Variants in VTI1A observed in about 807,000 individuals in gnomAD.
VTI1A encodes vesicle transport through interaction with t-SNAREs 1A, also known as vesicle transport through interaction with t-SNAREs homolog 1A.
Under a neutral mutation model 34.9 loss-of-function variants are expected in VTI1A, and 22 were observed. The ratio of observed to expected loss-of-function variants is 0.63; its 90% CI spans 0.45 to 0.90. The LOEUF (loss-of-function observed/expected upper bound fraction) is 0.90. Among genes scored for constraint, VTI1A ranks in the 40% least tolerant of loss-of-function variants. The pLI, the probability that VTI1A is intolerant of heterozygous loss-of-function variation, is 0.00. For missense variants in VTI1A, 268 were observed against 275.6 expected, an observed-to-expected ratio of 0.97 and a Z score of 0.20; for synonymous variants, 87 against 97.3, an observed-to-expected ratio of 0.89 and a Z score of 0.62.
At chr10:112,652,740 T>G (rs371100635) in intron 5 of VTI1A, among the ~76,000 whole-genome samples, 93 of 83,614 alleles carry the variant, frequency 1.1e-3, no homozygotes, top group Admixed American at 2.1e-3. Context: ...AAAAAAAAAA[T>G]GGAAAGAAGG....
chr10:112,518,575 C>CTA (rs1564809794), intron 3 of VTI1A, among the ~76,000 whole-genome samples: 7 of 113,512 alleles, frequency 6.2e-5, no homozygotes, highest in South Asian at 2.7e-4. Flanking sequence ...CTCTCTCTCT[C>CTA]TCTCTCTCTC....
rs1181090787 is a variant in VTI1A at position 112,736,109 on chromosome 10, G to GTATA, written c.560+67112_560+67113insATAT. 2.0e-3 allele frequency among the ~76,000 whole-genome samples: 238 copies of GTATA among 116,852 alleles called. 2 individuals are homozygous for GTATA. Among genetic ancestry groups the GTATA allele is most frequent in the African/African-American group, 5.0e-3 (125 of 25,060 alleles). 76.7% of individuals were successfully genotyped at this position (116,852 alleles called of 152,430 possible). ...GTATATTTTACATATATATGTGTGT[G>GTATA]TGTATATATATATATATATATATAT... On this transcript the variant is annotated intron_variant, in intron 7 of 7. Coordinates refer to ENST00000393077, the MANE Select transcript of VTI1A (RefSeq NM_145206.4).
intron 7 of VTI1A, among the ~76,000 whole-genome samples, chr10:112,675,425 G>A (rs952422625): frequency 6.6e-6 from 1 of 152,074 alleles, no homozygotes; most frequent in African/African-American, 2.4e-5. Context: ...AGCCCTTCTG[G>A]GTGTGCAGAC....
At chr10:112,493,496 C>G (rs904694760) in intron 3 of VTI1A, among the ~76,000 whole-genome samples, 14 of 152,056 alleles carry the variant, frequency 9.2e-5, no homozygotes, top group African/African-American at 3.4e-4. Flanking sequence ...ACTGGCTACA[C>G]ACTGATATAA....
chr10:112,839,129 G>A, the VTI1A span, among the ~76,000 whole-genome samples: 1 of 152,208 alleles, frequency 6.6e-6, no homozygotes, highest in South Asian at 2.1e-4. Flanking sequence ...TCAAGAGCAG[G>A]AAGAGCAGAC....
At position 112,654,837 on chromosome 10, in the gene VTI1A, T is replaced by C. The variant is rs76794439; in HGVS notation, c.428-13381T>C. 9.5e-3 allele frequency among the ~76,000 whole-genome samples: 1,445 copies of C among 152,324 alleles called. 29 individuals carry two copies. Among genetic ancestry groups the C allele is most frequent in the African/African-American group, 0.033 (1,365 of 41,576 alleles). On this transcript the variant is annotated intron_variant, in intron 5 of 7. Transcript: ENST00000393077. Reference sequence around the variant, plus strand: ...ACTAGTTCCCTTGTCTTGAGTTTTGTTAGTTTCCACCTCTCAAAATGTCAC... The same window carrying C: ...ACTAGTTCCCTTGTCTTGAGTTTTGCTAGTTTCCACCTCTCAAAATGTCAC...
At chr10:112,531,538 G>A (rs5018094) in intron 4 of VTI1A, among the ~76,000 whole-genome samples, 142,283 of 151,842 alleles carry the variant, frequency 0.94, 66,791 homozygotes, top group African/African-American at 0.96. Flanking sequence ...TACCTAGCTT[G>A]GCTACAAATC....
chr10:112,499,682 C>G (rs1245183777), intron 3 of VTI1A, among the ~76,000 whole-genome samples: 1 of 152,212 alleles, frequency 6.6e-6, no homozygotes, highest in Non-Finnish European at 1.5e-5. Flanking sequence ...CTTCTTCCCG[C>G]ATTTATTATG....
chr10:112,751,475 TAAAAAAA>T (rs11411829), intron 7 of VTI1A, among the ~76,000 whole-genome samples: 6 of 100,994 alleles, frequency 5.9e-5, no homozygotes, highest in African/African-American at 1.9e-4. Flanking sequence ...ATTAACTGTT[TAAAAAAA>T]AAAAAAAAAA....
Position 112,756,059 on chromosome 10 carries a change from G to A in VTI1A, c.561-59231G>A, listed in dbSNP as rs371409910. ...AATTCCCAGAAAGGAAAAAAACAGCGAGAAAAAGAGAGAGGGAGGGGAGGA... is the reference window on the plus strand; with the variant it reads ...AATTCCCAGAAAGGAAAAAAACAGCAAGAAAAAGAGAGAGGGAGGGGAGGA... On this transcript the variant is annotated intron_variant, in intron 7 of 7. Coordinates refer to ENST00000393077, the MANE Select transcript of VTI1A (RefSeq NM_145206.4). Among the ~76,000 whole-genome samples, 394 of 152,216 alleles carry A rather than the reference G, an allele frequency of 2.6e-3. 3 individuals are homozygous for A. The highest frequency in any genetic ancestry group is 9.0e-3 in the African/African-American group (373 of 41,522).
At chr10:112,711,677 G>T (rs1006895484) in intron 7 of VTI1A, among the ~76,000 whole-genome samples, 3 of 152,160 alleles carry the variant, frequency 2.0e-5, no homozygotes, top group Non-Finnish European at 2.9e-5. Flanking sequence ...AATCTTGTGG[G>T]GAACAAGATG....
the VTI1A span, chr10:112,832,002 G>A: frequency 6.6e-6 from 1 of 152,150 alleles, no homozygotes; most frequent in East Asian, 1.9e-4. Context: ...CCACAGTGTG[G>A]GAATCGAGAA....
At chr10:112,653,915 C>G (rs957722271) in intron 5 of VTI1A, among the ~76,000 whole-genome samples, 5 of 152,122 alleles carry the variant, frequency 3.3e-5, no homozygotes, top group Non-Finnish European at 5.9e-5. Context: ...TTTAGTGGTT[C>G]CCTAGTAAAG....
intron 5 of VTI1A, among the ~76,000 whole-genome samples, chr10:112,556,188 T>G (rs1589899273): frequency 6.6e-6 from 1 of 151,974 alleles, no homozygotes; most frequent in African/African-American, 2.4e-5. Flanking sequence ...AGGTAAGGAC[T>G]TCTTATGTGA....
At chr10:112,557,656 A>T (rs1051719635) in intron 5 of VTI1A, among the ~76,000 whole-genome samples, 26 of 152,218 alleles carry the variant, frequency 1.7e-4, no homozygotes, top group African/African-American at 6.0e-4. Context: ...AATTATATAT[A>T]TATATTCACA....
intron 7 of VTI1A, among the ~76,000 whole-genome samples, chr10:112,724,901 T>TCC (rs1849959616): frequency 6.6e-6 from 1 of 151,848 alleles, no homozygotes; most frequent in Non-Finnish European, 1.5e-5. Flanking sequence ...GCTACCAACA[T>TCC]GTCACCCTTC....
intron 3 of VTI1A, among the ~76,000 whole-genome samples, chr10:112,479,875 T>G (rs1848406417): frequency 6.6e-6 from 1 of 152,240 alleles, no homozygotes; most frequent in South Asian, 2.1e-4. Context: ...ATGTACACAT[T>G]AATACATTTG....
chr10:112,752,221 C>G (rs1851128815), intron 7 of VTI1A: 1 of 215,510 alleles, frequency 4.6e-6, no homozygotes, highest in African/African-American at 2.4e-5. Context: ...CCAGTTCCTC[C>G]CAACTAAGCT....
At chr10:112,793,217 A>T (rs1317225896) in intron 7 of VTI1A, among the ~76,000 whole-genome samples, 1 of 152,248 alleles carries the variant, frequency 6.6e-6, no homozygotes, top group African/African-American at 2.4e-5. Flanking sequence ...TGAGGCAGAT[A>T]TCATAAGCAA....
Sources: gnomAD v4.1 joint callset for allele counts (sites outside exome capture counted in the v4.1 genomes callset) on GRCh38, gnomAD v4.1.1 for gene constraint, MANE v1.5 for transcripts, NCBI Gene and HGNC (gene_info 2026-07-23, HGNC 2026-07-21) for gene names.